The following RBFOX1 variants were observed in gnomAD, a reference collection of about 807,000 sequenced individuals.
RBFOX1 encodes the protein RNA binding protein fox-1 homolog 1.
RBFOX1 carries 8 observed loss-of-function variants against 57.7 expected under a neutral mutation model. The ratio of observed to expected loss-of-function variants is 0.14; its 90% confidence interval spans 0.08 to 0.25. The LOEUF (loss-of-function observed/expected upper bound fraction) is 0.25, where lower values mean the gene tolerates loss of function less well. Ranked by LOEUF, RBFOX1 falls within the 10% of genes least tolerant of loss-of-function variation. The pLI is 1.00. For synonymous variants in RBFOX1, 326 were observed against 222.4 expected (o/e 1.47, Z -4.15); for missense variants, 611 against 548.5 (o/e 1.11, Z -1.14).
chr16:5,537,774 CAT>C (rs1299772583), intron 2 of RBFOX1, among the ~76,000 whole-genome samples: 7 of 152,292 alleles, frequency 4.6e-5, no homozygotes, highest in Admixed American at 4.6e-4. Flanking sequence ...TCTAAGACCT[CAT>C]GTAATTAGAT....
intron 4 of RBFOX1, among the ~76,000 whole-genome samples, chr16:7,337,834 G>T (rs1433177256): frequency 6.6e-6 from 1 of 152,096 alleles, no homozygotes; most frequent in Non-Finnish European, 1.5e-5. Flanking sequence ...ACAGGCACGT[G>T]CCACCACACC....
intron 1 of RBFOX1, among the ~76,000 whole-genome samples, chr16:5,462,675 A>G (rs906233034): frequency 2.0e-5 from 3 of 152,198 alleles, no homozygotes; most frequent in African/African-American, 7.2e-5. Context: ...TGATGCATCC[A>G]TGGCATGGAA....
At chr16:7,592,419 G>A (rs1338784413) in intron 7 of RBFOX1, among the ~76,000 whole-genome samples, 1 of 152,186 alleles carries the variant, frequency 6.6e-6, no homozygotes, top group Non-Finnish European at 1.5e-5. Flanking sequence ...CATGAAGCAT[G>A]AGAGCAAGGT....
intron 2 of RBFOX1, among the ~76,000 whole-genome samples, chr16:6,382,555 A>G (rs114518522): frequency 7.0e-4 from 107 of 152,270 alleles, no homozygotes; most frequent in African/African-American, 2.4e-3. Context: ...TAGCTTCATT[A>G]AGGGATGTGA....
chr16:5,980,642 G>T (rs758470439), intron 4 of RBFOX1, among the ~76,000 whole-genome samples: 2 of 152,092 alleles, frequency 1.3e-5, no homozygotes, highest in African/African-American at 4.8e-5. Flanking sequence ...ATAATTTTAG[G>T]TAAGACACTG....
rs181665300 is a variant in RBFOX1 at position 5,845,453 on chromosome 16, C to T, written c.319-21850C>T. Reference sequence around the variant, plus strand: ...TTGAGTTTCAGATCTCAGTTTATTTCTACAAGAAAGTCCTCATCCAACCCA... The same window carrying T: ...TTGAGTTTCAGATCTCAGTTTATTTTTACAAGAAAGTCCTCATCCAACCCA... On this transcript the variant is annotated intron_variant, in intron 3 of 19. Transcript: ENST00000641259. 1.7e-3 allele frequency among the ~76,000 whole-genome samples: 252 copies of T among 152,262 alleles called. 1 individual carries two copies. The highest frequency in any genetic ancestry group is 4.7e-3 in the African/African-American group (196 of 41,552).
intron 2 of RBFOX1, among the ~76,000 whole-genome samples, chr16:5,545,668 A>C (rs2045165806): frequency 1.3e-5 from 2 of 152,168 alleles, no homozygotes; most frequent in South Asian, 2.1e-4. Flanking sequence ...TTAAAAAAAA[A>C]CCCCTCATCA....
chr16:7,580,267 C>A (rs890373233), intron 6 of RBFOX1, among the ~76,000 whole-genome samples: 6 of 152,140 alleles, frequency 3.9e-5, no homozygotes, highest in Non-Finnish European at 7.4e-5. Context: ...CAAAAATACA[C>A]ATCGAGTCCT....
chr16:7,429,528 A>G (rs551240652), intron 4 of RBFOX1, among the ~76,000 whole-genome samples: 219 of 152,334 alleles, frequency 1.4e-3, no homozygotes, highest in African/African-American at 5.0e-3. Flanking sequence ...AGTTTACAGT[A>G]AGCTTCAAGA....
chr16:7,653,757 A>T (rs2065634965), intron 11 of RBFOX1, 58 bp from the exon 12 acceptor site: 1 of 1,598,856 alleles, frequency 6.3e-7, no homozygotes, highest in African/African-American at 1.3e-5. Flanking sequence ...TTCCCTCCAC[A>T]GCAGGGTGTG....
At chr16:6,859,156 TATATATAC>T (rs2142411840) in intron 3 of RBFOX1, among the ~76,000 whole-genome samples, 1 of 56,726 alleles carries the variant, frequency 1.8e-5, no homozygotes, top group South Asian at 5.7e-4. Flanking sequence ...TATATATGTA[TATATATAC>T]GTATATATAT....
At chr16:6,908,345 C>A (rs1039797418) in intron 3 of RBFOX1, among the ~76,000 whole-genome samples, 2 of 147,210 alleles carry the variant, frequency 1.4e-5, no homozygotes, top group Admixed American at 6.6e-5. Context: ...CCAAGTTACT[C>A]TGCCTTTGCA....
intron 1 of RBFOX1, among the ~76,000 whole-genome samples, chr16:5,447,366 A>G (rs888457742): frequency 2.8e-5 from 3 of 108,388 alleles, no homozygotes; most frequent in Non-Finnish European, 5.5e-5. Context: ...TTCAATGTCA[A>G]TCAATCAATC....
At chr16:7,371,391 C>T (rs2097562803) in intron 4 of RBFOX1, among the ~76,000 whole-genome samples, 1 of 152,162 alleles carries the variant, frequency 6.6e-6, no homozygotes, top group Non-Finnish European at 1.5e-5. Context: ...AATCTTGGAT[C>T]TTACTAAAGC....
chr16:5,708,753 C>G (rs1003815292), intron 3 of RBFOX1, among the ~76,000 whole-genome samples: 2 of 152,296 alleles, frequency 1.3e-5, no homozygotes, highest in South Asian at 2.1e-4. Context: ...TGGGGATATT[C>G]AAACTGAGCC....
intron 1 of RBFOX1, among the ~76,000 whole-genome samples, chr16:6,054,538 TC>T (rs2095591346): frequency 6.6e-6 from 1 of 152,152 alleles, no homozygotes; most frequent in Admixed American, 6.5e-5. Flanking sequence ...GAGATCTGTC[TC>T]CTGAAAGATA....
intron 6 of RBFOX1, among the ~76,000 whole-genome samples, chr16:7,582,566 G>A (rs1461223708): frequency 6.6e-6 from 1 of 152,184 alleles, no homozygotes; most frequent in Non-Finnish European, 1.5e-5. Context: ...ATCACATTGT[G>A]AAGCATCTGT....
intron 4 of RBFOX1, among the ~76,000 whole-genome samples, chr16:7,234,331 A>G (rs1269768745): frequency 6.6e-6 from 1 of 152,118 alleles, no homozygotes; most frequent in Non-Finnish European, 1.5e-5. Flanking sequence ...TGTATAATAC[A>G]GTGAGTTGAG....
intron 2 of RBFOX1, among the ~76,000 whole-genome samples, chr16:5,491,534 T>C (rs2042827862): frequency 1.3e-5 from 2 of 152,306 alleles, no homozygotes. Flanking sequence ...GTAAATATAT[T>C]ATAGAATATT....
Sources: gnomAD v4.1 joint callset for allele counts (sites outside exome capture counted in the v4.1 genomes callset) on GRCh38, gnomAD v4.1.1 for gene constraint, MANE v1.5 for transcripts, NCBI Gene and HGNC (gene_info 2026-07-23, HGNC 2026-07-21) for gene names.